The following GABRG3 variants were observed in gnomAD, a reference collection of about 807,000 sequenced individuals.
The protein encoded by GABRG3 is gamma-aminobutyric acid receptor subunit gamma-3.
GABRG3 carries 25 observed loss-of-function variants against 48.8 expected under a neutral mutation model. That is an observed-to-expected ratio of 0.51 (90% CI 0.37 to 0.72). The LOEUF is 0.72. Among genes scored for constraint, GABRG3 ranks in the 30% least tolerant of loss-of-function variants. The pLI is 0.00. For missense variants in GABRG3, 394 were observed against 577.9 expected (o/e 0.68, Z 3.26); for synonymous variants, 227 against 217.6 (o/e 1.04, Z -0.38).
rs558058492 is a variant in GABRG3, at chr15:27,308,584, A to C, written c.271-18225A>C. ...GTTTATATAAACATAATGTAAACATACATTTATATATAAACATAATGTAAA... is the reference window on the plus strand; with the variant it reads ...GTTTATATAAACATAATGTAAACATCCATTTATATATAAACATAATGTAAA... On this transcript the variant is annotated intron_variant, in intron 3 of 9. Coordinates refer to ENST00000615808, the MANE Select transcript of GABRG3 (RefSeq NM_033223.5). Among the ~76,000 whole-genome samples, 4 of 146,856 alleles carry C rather than the reference A, an allele frequency of 2.7e-5. No homozygotes were observed. The Admixed American group carries it at 2.9e-4, about 10-fold the overall frequency.
chr15:27,517,314 C>G (rs1479469422), intron 6 of GABRG3, among the ~76,000 whole-genome samples: 1 of 152,212 alleles, frequency 6.6e-6, no homozygotes. Context: ...TTGTGCATAC[C>G]TCCAGTCATG....
chr15:27,152,447 A>C (rs563766843), intron 3 of GABRG3, among the ~76,000 whole-genome samples: 1 of 152,366 alleles, frequency 6.6e-6, no homozygotes, highest in African/African-American at 2.4e-5. Context: ...AATTTTAAAA[A>C]ATTGGTTTTG....
intron 5 of GABRG3, among the ~76,000 whole-genome samples, chr15:27,458,500 C>T (rs1889353630): frequency 6.6e-6 from 1 of 152,272 alleles, no homozygotes; most frequent in South Asian, 2.1e-4. Context: ...TTCACAAGCT[C>T]GTCAAGTCTG....
Position 26,977,162 on chromosome 15 carries a change from T to A in GABRG3, c.202+12T>A. On this transcript the variant is annotated intron_variant, in intron 2 of 9. Coordinates refer to ENST00000615808, the MANE Select transcript of GABRG3 (RefSeq NM_033223.5). ...GCCAGATATTGGAAGTGAGTGTTGT[T>A]TTTTGTTATTCTAATAGAAAAATAT... 6.2e-7 allele frequency: 1 copy of A among 1,604,158 alleles called. No individual in the cohort carries two copies. Among genetic ancestry groups the A allele is most frequent in the Non-Finnish European group, 8.5e-7 (1 of 1,175,436 alleles).
rs1890079359 is a variant in GABRG3 at position 27,480,718 on chromosome 15, T to TCATG, written c.644_647dup (p.Trp216CysfsTer8). 1 of 1,613,394 alleles carries TCATG rather than the reference T, an allele frequency of 6.2e-7. No individual in the cohort carries two copies. Among genetic ancestry groups the TCATG allele is most frequent in the African/African-American group, 1.3e-5 (1 of 74,922 alleles). On this transcript the variant is annotated frameshift_variant, in exon 6 of 10. Transcript: ENST00000615808. LOFTEE classifies it high-confidence loss of function. The stretch of plus-strand genomic sequence containing the variant: ...TTCAGTGGAGGCAGCTGACCAGAAA[T>TCATG]CATGGCGGCTTTATCAGTTTGACTT...
At chr15:27,307,063 G>A (rs9796630) in intron 3 of GABRG3, among the ~76,000 whole-genome samples, 80,197 of 84,152 alleles carry the variant, frequency 0.95, 38,429 homozygotes, top group Non-Finnish European at 0.99. Context: ...ATATAAACAT[G>A]TATAATATAA....
intron 3 of GABRG3, among the ~76,000 whole-genome samples, chr15:27,030,166 G>T (rs961098203): frequency 6.6e-6 from 1 of 152,186 alleles, no homozygotes; most frequent in Non-Finnish European, 1.5e-5. Context: ...AGGGTTTAAG[G>T]ATGTAAATTT....
intron 5 of GABRG3, among the ~76,000 whole-genome samples, chr15:27,337,806 A>C (rs1027330568): frequency 1.3e-5 from 2 of 152,186 alleles, no homozygotes; most frequent in Non-Finnish European, 2.9e-5. Flanking sequence ...ATCTATGCAA[A>C]TATGCATGTA....
chr15:27,295,297 G>T (rs1891944650), intron 3 of GABRG3: 1 of 152,130 alleles, frequency 6.6e-6, no homozygotes. Context: ...TGGTTGCCTT[G>T]CATCTTCCTA....
chr15:27,222,174 G>A (rs185093902), intron 3 of GABRG3, among the ~76,000 whole-genome samples: 4 of 152,326 alleles, frequency 2.6e-5, no homozygotes, highest in Admixed American at 6.5e-5. Flanking sequence ...CTACACCTGG[G>A]TGGAATCACC....
chr15:27,270,190 C>T (rs1162597714), intron 3 of GABRG3, among the ~76,000 whole-genome samples: 1 of 152,122 alleles, frequency 6.6e-6, no homozygotes, highest in Non-Finnish European at 1.5e-5. Flanking sequence ...AAGTTTTTCT[C>T]CATTAATATT....
chr15:27,145,483 T>C (rs1898181672), intron 3 of GABRG3, among the ~76,000 whole-genome samples: 7 of 152,084 alleles, frequency 4.6e-5, no homozygotes, highest in Admixed American at 4.6e-4. Flanking sequence ...TAACATAAAG[T>C]TAGGTTGATT....
At position 27,299,137 on chromosome 15, in the gene GABRG3, AG is replaced by A. The variant is rs549392474; in HGVS notation, c.271-27671del. ...CTTCTTTACTGAAAATACAAAAACT[AG>A]CTGGGTGTGGTGGCAGGTGCCTGTA... On this transcript the variant is annotated intron_variant, in intron 3 of 9. Coordinates refer to ENST00000615808, the MANE Select transcript of GABRG3 (RefSeq NM_033223.5). Among the ~76,000 whole-genome samples, 651 of 152,238 alleles carry A rather than the reference AG, an allele frequency of 4.3e-3. 1 individual carries two copies. Among genetic ancestry groups the A allele is most frequent in the Non-Finnish European group, 7.0e-3 (478 of 68,006 alleles).
At chr15:27,469,805 T>C (rs1052033320) in intron 5 of GABRG3, among the ~76,000 whole-genome samples, 1 of 152,210 alleles carries the variant, frequency 6.6e-6, no homozygotes, top group African/African-American at 2.4e-5. Context: ...AGTAGTTAAT[T>C]CTAGAACTTT....
chr15:27,276,794 G>C (rs1891268470), intron 3 of GABRG3, among the ~76,000 whole-genome samples: 1 of 152,180 alleles, frequency 6.6e-6, no homozygotes, highest in African/African-American at 2.4e-5. Context: ...ACAAAGCAAA[G>C]TCGAAGCAGG....
rs1053196687 is a variant in GABRG3, at chr15:27,308,256, G to A, written c.271-18553G>A. On this transcript the variant is annotated intron_variant, in intron 3 of 9. Transcript: ENST00000615808. ...TATATCCAAACATATATAAACATAC[G>A]TTTATATATAAACATAATATAAACA... is the stretch of plus-strand genomic sequence containing the variant. Among the ~76,000 whole-genome samples the A allele has an allele frequency of 6.5e-4, 44 of 67,664 alleles. 4 individuals carry two copies. Among genetic ancestry groups the A allele is most frequent in the East Asian group, 2.6e-3 (3 of 1,146 alleles). The allele number at this position is 67,664 out of a possible 152,430, so 44.4% of individuals were successfully genotyped here. A position where few individuals can be genotyped will look rare whatever the true frequency, so the allele number is the denominator to read the frequency against.
intron 3 of GABRG3, among the ~76,000 whole-genome samples, chr15:27,244,749 C>T (rs1888068406): frequency 6.6e-6 from 1 of 151,986 alleles, no homozygotes; most frequent in South Asian, 2.1e-4. Flanking sequence ...TGCCACTGCC[C>T]TCCAGTCTGG....
At chr15:27,431,485 T>G (rs1479675018) in intron 5 of GABRG3, among the ~76,000 whole-genome samples, 2 of 152,234 alleles carry the variant, frequency 1.3e-5, no homozygotes, top group Non-Finnish European at 2.9e-5. Context: ...ATTGTTTTAC[T>G]TCTTCCTTTC....
chr15:27,085,834 A>C (rs1196968325), intron 3 of GABRG3, among the ~76,000 whole-genome samples: 1 of 152,226 alleles, frequency 6.6e-6, no homozygotes, highest in South Asian at 2.1e-4. Context: ...ATATTATTTT[A>C]GTATACTGAA....
Sources: allele counts gnomAD v4.1 joint callset (sites outside exome capture counted in the v4.1 genomes callset), GRCh38; gene constraint gnomAD v4.1.1; transcripts MANE v1.5; gene names NCBI Gene and HGNC (gene_info 2026-07-23, HGNC 2026-07-21).